The following LOC400499 variants were observed in gnomAD, a reference collection of about 807,000 sequenced individuals.
the LOC400499 span, chr16:11,392,381 G>C: frequency 2.5e-6 from 1 of 398,972 alleles, no homozygotes; most frequent in Non-Finnish European, 4.4e-6. Context: ...CTGGTTGGCA[G>C]CCTGCAGGGT....
the LOC400499 span, among the ~76,000 whole-genome samples, chr16:11,413,553 C>T: frequency 6.6e-6 from 1 of 152,128 alleles, no homozygotes. Context: ...CATGTGGGTT[C>T]CTCTTCACCG....
chr16:11,460,695 G>A, the LOC400499 span: 2 of 1,448,024 alleles, frequency 1.4e-6, no homozygotes, highest in South Asian at 1.4e-5. Context: ...GCCCGGCCCA[G>A]CCTGGCCTCA....
At chr16:11,484,678 A>G in the LOC400499 span, among the ~76,000 whole-genome samples, 4 of 152,160 alleles carry the variant, frequency 2.6e-5, no homozygotes, top group African/African-American at 7.2e-5. Flanking sequence ...TTTTCCATGC[A>G]TAGGATCTAT....
the LOC400499 span, among the ~76,000 whole-genome samples, chr16:11,486,257 AGATG>A: frequency 3.1e-5 from 2 of 64,476 alleles, no homozygotes; most frequent in South Asian, 8.8e-4. Context: ...TTGAGTGAAT[AGATG>A]GATGGATGGA....
At chr16:11,524,610 CCA>C in the LOC400499 span, among the ~76,000 whole-genome samples, 3 of 152,138 alleles carry the variant, frequency 2.0e-5, no homozygotes, top group African/African-American at 7.2e-5. Context: ...CTCCCTTCTC[CCA>C]CCATCGAAGG....
At chr16:11,460,073 G>T in the LOC400499 span, 1 of 1,356,154 alleles carries the variant, frequency 7.4e-7, no homozygotes, top group Non-Finnish European at 9.5e-7. Flanking sequence ...CACATGGGTG[G>T]TGAACTGCCC....
chr16:11,391,095 G>A, the LOC400499 span, among the ~76,000 whole-genome samples: 2 of 152,238 alleles, frequency 1.3e-5, no homozygotes, highest in African/African-American at 4.8e-5. Flanking sequence ...TGCCCTGGGG[G>A]TGGTCACAGG....
At chr16:11,465,876 G>A in the LOC400499 span, among the ~76,000 whole-genome samples, 5 of 150,204 alleles carry the variant, frequency 3.3e-5, no homozygotes, top group African/African-American at 4.9e-5. Context: ...TAGAGGGAGG[G>A]AAAGACAGGG....
chr16:11,518,061 A>G, the LOC400499 span, among the ~76,000 whole-genome samples: 1 of 152,160 alleles, frequency 6.6e-6, no homozygotes, highest in Non-Finnish European at 1.5e-5. Flanking sequence ...CACCACTCCC[A>G]GAATAGCAAG....
At chr16:11,440,275 C>T in the LOC400499 span, among the ~76,000 whole-genome samples, 2 of 152,204 alleles carry the variant, frequency 1.3e-5, no homozygotes, top group Non-Finnish European at 2.9e-5. Context: ...TCCTTTTCTT[C>T]CTGGACATAT....
the LOC400499 span, chr16:11,500,736 C>A: frequency 5.3e-5 from 21 of 398,366 alleles, no homozygotes; most frequent in East Asian, 6.1e-4. Flanking sequence ...TCACCTCCCC[C>A]ACATCTAACC....
chr16:11,459,916 G>A, the LOC400499 span: 1 of 1,470,390 alleles, frequency 6.8e-7, no homozygotes, highest in East Asian at 2.5e-5. Context: ...TGATTGCTCA[G>A]GGCGGGCCCC....
At chr16:11,505,392 T>C in the LOC400499 span, among the ~76,000 whole-genome samples, 1 of 151,316 alleles carries the variant, frequency 6.6e-6, no homozygotes, top group African/African-American at 2.4e-5. Context: ...GAGTACTTAA[T>C]ACCTTTGTTT....
chr16:11,477,841 C>G, the LOC400499 span: 1 of 398,868 alleles, frequency 2.5e-6, no homozygotes, highest in Non-Finnish European at 4.4e-6. Flanking sequence ...CATAACCATT[C>G]ACAGAGAAAT....
chr16:11,512,947 A>C, the LOC400499 span, among the ~76,000 whole-genome samples: 2 of 152,262 alleles, frequency 1.3e-5, no homozygotes, highest in East Asian at 3.9e-4. Context: ...GTTCTCCCCC[A>C]GGGGGTGCCG....
chr16:11,383,388 A>G, the LOC400499 span, among the ~76,000 whole-genome samples: 6 of 152,194 alleles, frequency 3.9e-5, no homozygotes, highest in African/African-American at 1.4e-4. Context: ...TTTTTAAACA[A>G]CCTGCTCTCA....
the LOC400499 span, among the ~76,000 whole-genome samples, chr16:11,401,681 G>A: frequency 6.6e-6 from 1 of 152,202 alleles, no homozygotes; most frequent in Non-Finnish European, 1.5e-5. Flanking sequence ...TAGCTCTGTG[G>A]CCCCGGGCAG....
chr16:11,469,314 G>T, the LOC400499 span: 3 of 399,138 alleles, frequency 7.5e-6, no homozygotes, highest in African/African-American at 4.1e-5. Flanking sequence ...TGGCCCCTCC[G>T]TCCCCCTGGG....
the LOC400499 span, among the ~76,000 whole-genome samples, chr16:11,498,559 C>G: frequency 6.6e-6 from 1 of 152,098 alleles, no homozygotes; most frequent in Non-Finnish European, 1.5e-5. Flanking sequence ...AATACTCTCT[C>G]CCTGCTTGCC....
Sources: allele counts gnomAD v4.1 joint callset (sites outside exome capture counted in the v4.1 genomes callset), GRCh38; gene constraint gnomAD v4.1.1; transcripts MANE v1.5.